Variants in MTCL2 observed in about 807,000 individuals in gnomAD.
MTCL2 encodes microtubule cross-linking factor 2.
the MTCL2 span, among the ~76,000 whole-genome samples, chr20:36,797,944 G>A: frequency 2.8e-4 from 43 of 152,170 alleles, no homozygotes; most frequent in Admixed American, 2.6e-3. Flanking sequence ...CACAGTGGCC[G>A]TCATTTATGG....
At chr20:36,821,277 T>C in the MTCL2 span, among the ~76,000 whole-genome samples, 1 of 152,212 alleles carries the variant, frequency 6.6e-6, no homozygotes, top group Non-Finnish European at 1.5e-5. Flanking sequence ...ATCCCAGCAC[T>C]TTGGGAGGCC....
chr20:36,841,925 G>C, the MTCL2 span, among the ~76,000 whole-genome samples: 3 of 146,602 alleles, frequency 2.0e-5, no homozygotes, highest in African/African-American at 7.7e-5. Context: ...GTGTATACAG[G>C]GTTTTGCCAT....
At chr20:36,848,804 C>T in the MTCL2 span, among the ~76,000 whole-genome samples, 1 of 151,990 alleles carries the variant, frequency 6.6e-6, no homozygotes, top group Non-Finnish European at 1.5e-5. Context: ...GTAGCATTTC[C>T]TTCTATTCTG....
chr20:36,785,226 C>T, the MTCL2 span: 1 of 985,430 alleles, frequency 1.0e-6, no homozygotes, highest in Non-Finnish European at 1.2e-6. Context: ...GAGGCCAGGT[C>T]TCCAAACCTG....
the MTCL2 span, chr20:36,782,126 C>G: frequency 2.0e-5 from 3 of 152,258 alleles, no homozygotes; most frequent in Non-Finnish European, 4.4e-5. Flanking sequence ...ACCACTGCAC[C>G]CACCCCTCAA....
chr20:36,839,124 T>C, the MTCL2 span: 1 of 1,224,068 alleles, frequency 8.2e-7, no homozygotes, highest in Non-Finnish European at 1.2e-6. This position sits in a 1 kb window ranked among gnomAD's most constrained non-coding sequence, Gnocchi z 5.1. Flanking sequence ...AACTTGGCCA[T>C]GGACACACGG....
chr20:36,788,925 G>A, the MTCL2 span, among the ~76,000 whole-genome samples: 2 of 151,190 alleles, frequency 1.3e-5, no homozygotes, highest in Non-Finnish European at 2.9e-5. Context: ...TCCTGCCTCA[G>A]CCTCCCGAGT....
the MTCL2 span, chr20:36,779,369 A>C: frequency 6.6e-6 from 1 of 152,610 alleles, no homozygotes; most frequent in Non-Finnish European, 1.5e-5. Context: ...CCTGTCAGGC[A>C]GCACCTGCTT....
chr20:36,785,545 T>G, the MTCL2 span: 1 of 985,404 alleles, frequency 1.0e-6, no homozygotes, highest in Non-Finnish European at 1.2e-6. Context: ...TGGGAATATC[T>G]TTGCCCCCCG....
the MTCL2 span, chr20:36,839,389 A>G: frequency 6.2e-7 from 1 of 1,613,478 alleles, no homozygotes; most frequent in Non-Finnish European, 8.5e-7. This position sits in a 1 kb window ranked among gnomAD's most constrained non-coding sequence, Gnocchi z 5.1. Context: ...GTCCTCCTCC[A>G]TATAGACGTC....
chr20:36,839,432 C>G, the MTCL2 span: 1 of 1,613,192 alleles, frequency 6.2e-7, no homozygotes, highest in Non-Finnish European at 8.5e-7. This position sits in a 1 kb window ranked among gnomAD's most constrained non-coding sequence, Gnocchi z 5.1. Flanking sequence ...CGCAGCTCCT[C>G]AATCTCGTCC....
the MTCL2 span, among the ~76,000 whole-genome samples, chr20:36,786,837 T>C: frequency 6.6e-6 from 1 of 152,158 alleles, no homozygotes; most frequent in African/African-American, 2.4e-5. Context: ...CATTGTAATA[T>C]ATTCTAGGCT....
the MTCL2 span, among the ~76,000 whole-genome samples, chr20:36,848,865 C>CA: frequency 1.0e-3 from 149 of 149,350 alleles, no homozygotes; most frequent in Non-Finnish European, 1.7e-3. Context: ...ACTTTGCCAC[C>CA]AAAAAAAAAT....
the MTCL2 span, among the ~76,000 whole-genome samples, chr20:36,811,399 C>T: frequency 3.9e-5 from 6 of 151,930 alleles, no homozygotes; most frequent in South Asian, 2.1e-4. Flanking sequence ...AAGGCTGAGA[C>T]GGGAAGATCA....
At chr20:36,863,053 TGGCACGGACCCC>T in the MTCL2 span, 1 of 1,410,720 alleles carries the variant, frequency 7.1e-7, no homozygotes, top group Non-Finnish European at 9.3e-7. The surrounding 1 kb of genome is among the most constrained non-coding windows in gnomAD (Gnocchi z 6.2). Context: ...GGACGGCCCT[TGGCACGGACCCC>T]GGTGCGGACC....
the MTCL2 span, among the ~76,000 whole-genome samples, chr20:36,835,179 C>A: frequency 6.6e-6 from 1 of 152,192 alleles, no homozygotes; most frequent in Non-Finnish European, 1.5e-5. Flanking sequence ...TACCCAAGGC[C>A]ACACAGCAAA....
the MTCL2 span, among the ~76,000 whole-genome samples, chr20:36,805,184 A>G: frequency 6.6e-6 from 1 of 152,168 alleles, no homozygotes; most frequent in African/African-American, 2.4e-5. Flanking sequence ...TGGCTTCTTC[A>G]AGGCTCTGCA....
At chr20:36,841,415 T>C in the MTCL2 span, among the ~76,000 whole-genome samples, 4 of 148,852 alleles carry the variant, frequency 2.7e-5, no homozygotes, top group Admixed American at 6.7e-5. Flanking sequence ...TATGATAGGG[T>C]GAGGGGGGGT....
At chr20:36,803,137 C>A in the MTCL2 span, 2 of 1,570,748 alleles carry the variant, frequency 1.3e-6, no homozygotes, top group Non-Finnish European at 8.6e-7. Flanking sequence ...AAGCAGCTGG[C>A]AGCAGGAGGC....
Sources: allele counts gnomAD v4.1 joint callset (sites outside exome capture counted in the v4.1 genomes callset), GRCh38; gene constraint gnomAD v4.1.1; non-coding constraint Gnocchi (gnomAD v3.1); transcripts MANE v1.5; gene names NCBI Gene and HGNC (gene_info 2026-07-23, HGNC 2026-07-21).